DMD: variants seen among roughly 807,000 people sequenced by gnomAD.
DMD encodes the protein mutant dystrophin.
In DMD, 63 loss-of-function variants were observed where a neutral mutation model predicts 330.1. The ratio of observed to expected loss-of-function variants is 0.19; its 90% CI spans 0.16 to 0.24. DMD has a LOEUF of 0.24. Ranked by LOEUF, DMD falls within the 10% of genes least tolerant of loss-of-function variation. The pLI, the probability that DMD is intolerant of heterozygous loss-of-function variation, is 1.00. For synonymous variants in DMD, 1,223 were observed against 959.8 expected, an observed-to-expected ratio of 1.27 and a Z score of -5.07; for missense variants, 3,344 against 2,684.1, an observed-to-expected ratio of 1.25 and a Z score of -5.43.
intron 43 of DMD, among the ~76,000 whole-genome samples, chrX:32,273,135 C>T (rs2097371420): frequency 9.0e-6 from 1 of 110,826 alleles, no homozygotes; most frequent in African/African-American, 3.3e-5. Context: ...ATGATGAAAA[C>T]TTCTACTCTT....
At chrX:32,860,998 G>A (rs1466624069) in intron 2 of DMD, among the ~76,000 whole-genome samples, 1 of 112,040 alleles carries the variant, frequency 8.9e-6, no homozygotes, top group Admixed American at 9.5e-5. Context: ...CGGGGGAATG[G>A]TATGATGCCA....
chrX:32,904,960 GAA>G (rs972882196), intron 2 of DMD, among the ~76,000 whole-genome samples: 16 of 111,979 alleles, frequency 1.4e-4, no homozygotes, highest in African/African-American at 5.2e-4. Context: ...AAAAATAAAA[GAA>G]AGAGACTCCA....
upstream of DMD, among the ~76,000 whole-genome samples, chrX:33,215,323 CA>C (rs35648936): frequency 4.9e-4 from 43 of 87,873 alleles, no homozygotes; most frequent in East Asian, 1.5e-3. Context: ...GACCCTATCT[CA>C]AAAAAAAAAA....
chrX:31,690,920 A>T (rs1187980997), intron 52 of DMD, among the ~76,000 whole-genome samples: 1 of 110,588 alleles, frequency 9.0e-6, no homozygotes, highest in Non-Finnish European at 1.9e-5. Context: ...TTGAACAATG[A>T]GAACACCTGG....
intron 2 of DMD, among the ~76,000 whole-genome samples, chrX:32,885,835 A>AGG (rs1569539057): frequency 2.8e-5 from 3 of 107,927 alleles, no homozygotes; most frequent in Admixed American, 2.0e-4. Context: ...GGGAAAAAAA[A>AGG]AAAAAAAAAA....
intron 60 of DMD, among the ~76,000 whole-genome samples, chrX:31,393,329 T>C (rs2060761504): frequency 9.1e-6 from 1 of 109,831 alleles, no homozygotes; most frequent in African/African-American, 3.3e-5. Flanking sequence ...ATACAAAAAT[T>C]AGCCGGGCAT....
In DMD at chrX:31,343,993, T is replaced by A. The variant is rs112602679; in HGVS notation, c.9163+4563A>T. Among the ~76,000 whole-genome samples, 56 of 102,896 alleles carry A rather than the reference T, an allele frequency of 5.4e-4. No individual in the cohort carries two copies. The East Asian group carries it at 6.9e-3, about 13-fold the overall frequency. 89.4% of individuals were successfully genotyped at this position (102,896 alleles called of 115,157 possible). A position where few individuals can be genotyped will look rare whatever the true frequency, so the allele number is the denominator to read the frequency against. On this transcript the variant is annotated intron_variant, in intron 61 of 78. Coordinates refer to ENST00000357033, the MANE Select transcript of DMD (RefSeq NM_004006.3). ...AATATGGTGATTTTTTTTTTTTTTT[T>A]AAATTTAGGGTCAGGGTCTTGCTCT...
chrX:32,607,090 C>A (rs2056785966), intron 12 of DMD, among the ~76,000 whole-genome samples: 1 of 109,902 alleles, frequency 9.1e-6, no homozygotes, highest in Non-Finnish European at 1.9e-5. Context: ...TCCACCACTA[C>A]ACGATATATC....
intron 59 of DMD, among the ~76,000 whole-genome samples, chrX:31,477,494 A>T (rs1887345543): frequency 8.9e-6 from 1 of 111,792 alleles, no homozygotes; most frequent in South Asian, 3.7e-4. Flanking sequence ...TTTTTTCTAC[A>T]GAATATATTT....
intron 2 of DMD, among the ~76,000 whole-genome samples, chrX:33,000,520 T>TCA (rs2093252329): frequency 1.8e-5 from 2 of 111,697 alleles, no homozygotes; most frequent in African/African-American, 6.5e-5. Context: ...GTGACAAAAG[T>TCA]CCCTTCCTGA....
intron 1 of DMD, among the ~76,000 whole-genome samples, chrX:33,205,916 A>G (rs2051545520): frequency 8.9e-6 from 1 of 111,759 alleles, no homozygotes; most frequent in African/African-American, 3.2e-5. Context: ...TTTATTAAAT[A>G]TAAACAAAAA....
At chrX:32,572,915 G>C (rs934666889) in intron 15 of DMD, among the ~76,000 whole-genome samples, 18 of 110,421 alleles carry the variant, frequency 1.6e-4, no homozygotes, top group Admixed American at 9.8e-5. Flanking sequence ...AAAGAGTCTG[G>C]GACCTTCCTC....
chrX:31,144,843 C>T (rs1357915200), intron 76 of DMD, among the ~76,000 whole-genome samples: 1 of 111,278 alleles, frequency 9.0e-6, no homozygotes, highest in Non-Finnish European at 1.9e-5. Context: ...TTCATAAAAC[C>T]CTCTATTGTC....
chrX:32,724,778 T>C (rs2066688957), intron 7 of DMD, among the ~76,000 whole-genome samples: 1 of 112,125 alleles, frequency 8.9e-6, no homozygotes, highest in Admixed American at 9.5e-5. Context: ...CTGTTATAAA[T>C]TACATCAGTA....
intron 55 of DMD, among the ~76,000 whole-genome samples, chrX:31,545,611 C>A (rs2074099908): frequency 8.9e-6 from 1 of 112,384 alleles, no homozygotes; most frequent in South Asian, 3.7e-4. Flanking sequence ...GAAAACACCA[C>A]AGAAGTTGTG....
intron 1 of DMD, among the ~76,000 whole-genome samples, chrX:33,155,405 T>G (rs1172292545): frequency 2.8e-5 from 3 of 107,833 alleles, no homozygotes; most frequent in Admixed American, 2.0e-4. Flanking sequence ...AACCTCCGCC[T>G]CCCAGATTCA....
At chrX:31,586,137 G>C (rs968926101) in intron 55 of DMD, among the ~76,000 whole-genome samples, 3 of 111,749 alleles carry the variant, frequency 2.7e-5, no homozygotes. Flanking sequence ...CGGCCCTAAA[G>C]TGTTGGATTT....
intron 63 of DMD, among the ~76,000 whole-genome samples, chrX:31,230,243 A>C (rs934569455): frequency 8.9e-6 from 1 of 112,468 alleles, no homozygotes; most frequent in Non-Finnish European, 1.9e-5. Flanking sequence ...TCATACTTAG[A>C]TAAGTACAGA....
At chrX:32,492,500 C>A (rs1024566946) in intron 19 of DMD, among the ~76,000 whole-genome samples, 1 of 112,248 alleles carries the variant, frequency 8.9e-6, no homozygotes, top group African/African-American at 3.2e-5. Flanking sequence ...AAAATGGAAA[C>A]ACAAGCATAT....
Sources: allele counts gnomAD v4.1 joint callset (sites outside exome capture counted in the v4.1 genomes callset), GRCh38; gene constraint gnomAD v4.1.1; transcripts MANE v1.5; gene names NCBI Gene and HGNC (gene_info 2026-07-23, HGNC 2026-07-21).